The following GNAL variants were observed in gnomAD, a reference collection of about 807,000 sequenced individuals.
GNAL encodes guanine nucleotide-binding protein G(olf) subunit alpha.
Under a neutral mutation model 55.1 loss-of-function variants are expected in GNAL, and 18 were observed. The observed-to-expected ratio is 0.33, with a 90% CI of 0.23 to 0.48. The LOEUF is 0.48. Ranked by LOEUF, GNAL falls within the 20% of genes least tolerant of loss-of-function variation. The probability of loss-of-function intolerance (pLI) is 0.99; values close to 1 mark genes in which losing one functional copy is unlikely to be tolerated. For missense variants in GNAL, 412 were observed against 614.1 expected, an observed-to-expected ratio of 0.67 and a Z score of 3.48; for synonymous variants, 253 against 237.0, an observed-to-expected ratio of 1.07 and a Z score of -0.62.
At chr18:11,826,457 AC>A (rs1424423472) in intron 5 of GNAL, among the ~76,000 whole-genome samples, 1 of 151,920 alleles carries the variant, frequency 6.6e-6, no homozygotes, top group African/African-American at 2.4e-5. Flanking sequence ...GGGGCCAGAC[AC>A]CCCCAGGGCT....
Position 11,712,766 on chromosome 18 carries a change from C to G in GNAL, c.376+22827C>G, listed in dbSNP as rs1297745012. 3.3e-5 allele frequency among the ~76,000 whole-genome samples: 5 copies of G among 152,160 alleles called. No individual in the cohort carries two copies. In the East Asian group the frequency reaches 9.6e-4, roughly 29 times the overall value. On this transcript the variant is annotated intron_variant, in intron 1 of 11. Transcript: ENST00000334049. ...ACAGGAGCAGAGGACGTGATTAGAC[C>G]TGGTCAGGTCTCTCAGAAAAACATA...
In GNAL at chr18:11,882,778, A is replaced by ACAT. The variant is rs1341451214; in HGVS notation, c.*1644_*1646dup. 1.3e-5 allele frequency: 2 copies of ACAT among 152,142 alleles called. No individual in the cohort carries two copies. The highest frequency in any genetic ancestry group is 4.8e-5 in the African/African-American group (2 of 41,420). The allele number at this position is 152,142 out of a possible 1,614,324, so 9.4% of individuals were successfully genotyped here. A position where few individuals can be genotyped will look rare whatever the true frequency, so the allele number is the denominator to read the frequency against. On this transcript the variant is annotated 3_prime_UTR_variant, in exon 12 of 12. Coordinates refer to ENST00000334049, the MANE Select transcript of GNAL (RefSeq NM_182978.4). The stretch of plus-strand genomic sequence containing the variant: ...GCTTCACTTGCCTTTTGAAGAAGAA[A>ACAT]CATTACAAAACCTTAATCTGAAGTA...
At chr18:11,843,553 GA>G (rs2035665152) in intron 5 of GNAL, among the ~76,000 whole-genome samples, 1 of 151,220 alleles carries the variant, frequency 6.6e-6, no homozygotes. Context: ...AAGAAGAAAA[GA>G]AAAAAAGGAA....
chr18:11,723,203 A>G (rs1391682218), intron 1 of GNAL, among the ~76,000 whole-genome samples: 1 of 152,196 alleles, frequency 6.6e-6, no homozygotes, highest in Non-Finnish European at 1.5e-5. Context: ...AAAAAAATAA[A>G]ACGTTGTAGT....
intron 4 of GNAL, among the ~76,000 whole-genome samples, chr18:11,801,994 A>C (rs2034533994): frequency 1.3e-5 from 2 of 152,170 alleles, no homozygotes; most frequent in South Asian, 4.1e-4. Flanking sequence ...GGCAAAAATC[A>C]CTGCAATACA....
chr18:11,702,265 G>A (rs2031590623), intron 1 of GNAL: 1 of 152,320 alleles, frequency 6.6e-6, no homozygotes, highest in African/African-American at 2.4e-5. Context: ...CGCTAGCAGA[G>A]CAAGACTCAG....
intron 5 of GNAL, among the ~76,000 whole-genome samples, chr18:11,832,334 A>T (rs1474635431): frequency 6.6e-6 from 1 of 152,190 alleles, no homozygotes; most frequent in African/African-American, 2.4e-5. Context: ...ACACTATCCC[A>T]GAAAAAAAGA....
intron 1 of GNAL, among the ~76,000 whole-genome samples, chr18:11,745,011 G>T (rs977078124): frequency 6.6e-6 from 1 of 152,138 alleles, no homozygotes; most frequent in East Asian, 1.9e-4. Flanking sequence ...TGTGATGGGC[G>T]CTAAAACTGT....
chr18:11,721,645 A>G (rs576437966), intron 1 of GNAL, among the ~76,000 whole-genome samples: 3 of 152,020 alleles, frequency 2.0e-5, no homozygotes, highest in African/African-American at 7.2e-5. Flanking sequence ...AATCCCAGCT[A>G]CTCTGGAGGC....
chr18:11,724,681 G>C (rs1336814865), intron 1 of GNAL, among the ~76,000 whole-genome samples: 2 of 152,150 alleles, frequency 1.3e-5, no homozygotes, highest in Non-Finnish European at 2.9e-5. Flanking sequence ...GGCCTGCTCA[G>C]GCCCAGTCAC....
intron 4 of GNAL, among the ~76,000 whole-genome samples, chr18:11,791,208 G>A (rs2034225790): frequency 6.6e-6 from 1 of 152,172 alleles, no homozygotes; most frequent in South Asian, 2.1e-4. Flanking sequence ...GCCATGGCTA[G>A]GATCCTAGTG....
At chr18:11,692,540 G>C (rs748174869) in intron 1 of GNAL, among the ~76,000 whole-genome samples, 1 of 151,986 alleles carries the variant, frequency 6.6e-6, no homozygotes, top group African/African-American at 2.4e-5. Flanking sequence ...AACCATTGTT[G>C]GTGTGTGAGG....
At chr18:11,773,185 A>AC (rs1366960608) in intron 4 of GNAL, among the ~76,000 whole-genome samples, 1 of 152,242 alleles carries the variant, frequency 6.6e-6, no homozygotes, top group African/African-American at 2.4e-5. Context: ...GTGTCCCCTT[A>AC]CCAGGGCTTG....
At chr18:11,851,195 T>G (rs1253606322) in intron 5 of GNAL, among the ~76,000 whole-genome samples, 1 of 152,226 alleles carries the variant, frequency 6.6e-6, no homozygotes, top group Admixed American at 6.5e-5. Context: ...GACTAATGCG[T>G]TAGAATTTTA....
At chr18:11,812,898 T>C (rs980301324) in intron 4 of GNAL, among the ~76,000 whole-genome samples, 1 of 151,714 alleles carries the variant, frequency 6.6e-6, no homozygotes, top group Non-Finnish European at 1.5e-5. Context: ...GGAAAAAAAT[T>C]TAACAGCAGA....
chr18:11,711,987 G>C (rs749900424), intron 1 of GNAL, among the ~76,000 whole-genome samples: 1 of 152,172 alleles, frequency 6.6e-6, no homozygotes, highest in African/African-American at 2.4e-5. Flanking sequence ...TTTTTCAGGA[G>C]CCCATAATCT....
intron 7 of GNAL, among the ~76,000 whole-genome samples, chr18:11,866,678 A>G (rs2036270192): frequency 6.7e-6 from 1 of 150,122 alleles, no homozygotes; most frequent in Non-Finnish European, 1.5e-5. Context: ...AGAGGTGGCT[A>G]GAGATAAGAT....
intron 4 of GNAL, among the ~76,000 whole-genome samples, chr18:11,823,731 G>A (rs1352926185): frequency 6.6e-6 from 1 of 152,164 alleles, no homozygotes; most frequent in Non-Finnish European, 1.5e-5. Context: ...AGGAGTCGCT[G>A]GGACAGGCCA....
rs1330499301 is a variant in GNAL at position 11,867,026 on chromosome 18, TG to T, written c.852-140del. 1.2e-4 allele frequency: 85 copies of T among 693,858 alleles called. No homozygotes were observed. In the East Asian group the frequency reaches 2.3e-3, roughly 19 times the overall value. The allele number at this position is 693,858 out of a possible 1,614,324, so 43.0% of individuals were successfully genotyped here. A position where few individuals can be genotyped will look rare whatever the true frequency, so the allele number is the denominator to read the frequency against. Reference sequence around the variant, plus strand: ...CAGTCCAGGATCACACAGGGAGTGATGGTGCAGGCCAGTGACCCGAGCTTGA... The same window carrying T: ...CAGTCCAGGATCACACAGGGAGTGATGTGCAGGCCAGTGACCCGAGCTTGA... On this transcript the variant is annotated intron_variant, in intron 7 of 11. Coordinates refer to ENST00000334049, the MANE Select transcript of GNAL (RefSeq NM_182978.4).
Sources: allele counts gnomAD v4.1 joint callset (sites outside exome capture counted in the v4.1 genomes callset), GRCh38; gene constraint gnomAD v4.1.1; transcripts MANE v1.5; gene names NCBI Gene and HGNC (gene_info 2026-07-23, HGNC 2026-07-21).